Variants in CCDC3 observed in about 807,000 individuals in gnomAD.
CCDC3 encodes coiled-coil domain containing 3.
CCDC3 carries 24 observed loss-of-function variants against 21.4 expected under a neutral mutation model. That is an observed-to-expected ratio of 1.12 (90% CI 0.81 to 1.58). CCDC3 has a LOEUF of 1.58. CCDC3 is among the 40% of genes most tolerant of loss of function. The probability of loss-of-function intolerance (pLI) is 0.00; values close to 1 mark genes in which losing one functional copy is unlikely to be tolerated. For synonymous variants in CCDC3, 186 were observed against 166.0 expected (o/e 1.12, Z -0.93); for missense variants, 425 against 360.9 (o/e 1.18, Z -1.44).
intron 5 of CCDC3, among the ~76,000 whole-genome samples, chr10:13,009,187 G>T (rs11591849): frequency 0.047 from 7,111 of 152,108 alleles, 210 homozygotes; most frequent in Non-Finnish European, 0.069. Context: ...CAAAATATAT[G>T]AAATACTTAG....
chr10:13,010,164 C>T (rs1386821405), intron 5 of CCDC3, among the ~76,000 whole-genome samples: 1 of 152,140 alleles, frequency 6.6e-6, no homozygotes, highest in Admixed American at 6.5e-5. Context: ...AAGAGAATCG[C>T]TTGAACCTGG....
chr10:12,923,684 T>C (rs905918337), intron 2 of CCDC3, among the ~76,000 whole-genome samples: 1 of 152,206 alleles, frequency 6.6e-6, no homozygotes, highest in Non-Finnish European at 1.5e-5. Flanking sequence ...TTCACCTCCA[T>C]GCACCAGAAT....
chr10:12,998,574 C>A, intron 1 of CCDC3, 62 bp from the exon 2 acceptor site: 2 of 1,515,908 alleles, frequency 1.3e-6, no homozygotes, highest in Non-Finnish European at 1.8e-6. Flanking sequence ...CAGCTCCAAT[C>A]CAGAGTCACA....
chr10:12,916,756 A>G (rs1834364564), intron 2 of CCDC3, among the ~76,000 whole-genome samples: 1 of 152,162 alleles, frequency 6.6e-6, no homozygotes, highest in South Asian at 2.1e-4. Flanking sequence ...GTCTGGGGCC[A>G]TGAGGACTGG....
upstream of CCDC3, among the ~76,000 whole-genome samples, chr10:13,001,879 G>GGGGACGCC (rs771850471): frequency 0.029 from 4,390 of 152,112 alleles, 101 homozygotes; most frequent in Non-Finnish European, 0.044. Context: ...CGGAGAACGC[G>GGGGACGCC]GGGACGCCGG....
chr10:12,962,411 T>C (rs1464893371), intron 2 of CCDC3, among the ~76,000 whole-genome samples: 1 of 152,184 alleles, frequency 6.6e-6, no homozygotes, highest in Non-Finnish European at 1.5e-5. Flanking sequence ...AAGACCATCC[T>C]GGCCACCATG....
At chr10:12,939,335 T>C (rs183089669) in intron 2 of CCDC3, among the ~76,000 whole-genome samples, 2 of 152,328 alleles carry the variant, frequency 1.3e-5, no homozygotes, top group East Asian at 1.9e-4. Context: ...TATTTTATAA[T>C]AACTGTTAGT....
At chr10:12,938,928 T>TG (rs1211992839) in intron 2 of CCDC3, among the ~76,000 whole-genome samples, 1 of 152,210 alleles carries the variant, frequency 6.6e-6, no homozygotes, top group Non-Finnish European at 1.5e-5. Flanking sequence ...CCAATCCCCT[T>TG]GCCTTCTTGT....
At chr10:12,982,834 A>G (rs1835522681) in intron 2 of CCDC3, among the ~76,000 whole-genome samples, 1 of 139,592 alleles carries the variant, frequency 7.2e-6, no homozygotes, top group Non-Finnish European at 1.5e-5. Flanking sequence ...ACCTCTATGC[A>G]GGGCACAATG....
At chr10:13,017,129 A>G (rs1357545989) in intron 5 of CCDC3, among the ~76,000 whole-genome samples, 1 of 152,086 alleles carries the variant, frequency 6.6e-6, no homozygotes, top group African/African-American at 2.4e-5. Context: ...CTACGGTCAT[A>G]AGGATGACAC....
At chr10:13,019,645 A>G (rs538369097) in intron 5 of CCDC3, among the ~76,000 whole-genome samples, 163 of 152,276 alleles carry the variant, frequency 1.1e-3, no homozygotes, top group African/African-American at 3.7e-3. Context: ...AATGCTGGTG[A>G]CCCCACATGA....
intron 2 of CCDC3, among the ~76,000 whole-genome samples, chr10:12,915,071 T>A (rs544624555): frequency 5.6e-4 from 86 of 152,326 alleles, no homozygotes; most frequent in East Asian, 2.1e-3. Context: ...TAAACATTTT[T>A]AAAATTTTTT....
intron 4 of CCDC3, among the ~76,000 whole-genome samples, chr10:13,072,403 G>T (rs1186863328): frequency 6.6e-6 from 1 of 152,174 alleles, no homozygotes; most frequent in Admixed American, 6.5e-5. Context: ...CTTTAGAGGG[G>T]GGAATAAGAC....
At chr10:13,093,251 A>G (rs905622910) in intron 3 of CCDC3, among the ~76,000 whole-genome samples, 11 of 152,152 alleles carry the variant, frequency 7.2e-5, no homozygotes, top group African/African-American at 1.2e-4. Context: ...CACATCTTAC[A>G]TGGCGGCAGG....
intron 2 of CCDC3, among the ~76,000 whole-genome samples, chr10:12,949,748 C>G (rs1834981043): frequency 6.6e-6 from 1 of 152,210 alleles, no homozygotes; most frequent in Non-Finnish European, 1.5e-5. Flanking sequence ...AAGCAAAAGA[C>G]TATTCCAGTC....
intron 2 of CCDC3, among the ~76,000 whole-genome samples, chr10:12,909,379 C>T (rs984343299): frequency 2.0e-5 from 3 of 152,224 alleles, no homozygotes. Flanking sequence ...CTTCTCCCCA[C>T]CGTGCCCAGC....
At chr10:13,096,139 C>T (rs1317990275) in intron 3 of CCDC3, among the ~76,000 whole-genome samples, 1 of 150,008 alleles carries the variant, frequency 6.7e-6, no homozygotes, top group African/African-American at 2.5e-5. Flanking sequence ...TCCTTTCTCT[C>T]TCTACTTCCT....
chr10:12,985,899 G>A (rs12357463), intron 2 of CCDC3, among the ~76,000 whole-genome samples: 79 of 152,300 alleles, frequency 5.2e-4, no homozygotes, highest in Non-Finnish European at 8.4e-4. Context: ...GTTTTGGGAC[G>A]GAGTTTTGCT....
chr10:13,020,044 A>G (rs956748245), intron 5 of CCDC3, among the ~76,000 whole-genome samples: 10 of 152,222 alleles, frequency 6.6e-5, no homozygotes, highest in Non-Finnish European at 1.3e-4. Context: ...CTATTAGTAA[A>G]TTATGAATTT....
Sources: gnomAD v4.1 joint callset for allele counts (sites outside exome capture counted in the v4.1 genomes callset) on GRCh38, gnomAD v4.1.1 for gene constraint, MANE v1.5 for transcripts, NCBI Gene and HGNC (gene_info 2026-07-23, HGNC 2026-07-21) for gene names.